PDS5B: variants seen among roughly 807,000 people sequenced by gnomAD.
The protein encoded by PDS5B is sister chromatid cohesion protein PDS5 homolog B.
PDS5B carries 51 observed loss-of-function variants against 184.1 expected under a neutral mutation model. That is an observed-to-expected ratio of 0.28 (90% CI 0.22 to 0.35). The LOEUF (loss-of-function observed/expected upper bound fraction) is 0.35, where lower values mean the gene tolerates loss of function less well. Among genes scored for constraint, PDS5B ranks in the 10% least tolerant of loss-of-function variants. PDS5B has a pLI of 1.00. For missense variants in PDS5B, 1,180 were observed against 1,723.3 expected (o/e 0.68, Z 5.58); for synonymous variants, 566 against 569.2 (o/e 0.99, Z 0.08).
chr13:32,587,414 C>G (rs911811723), intron 1 of PDS5B, among the ~76,000 whole-genome samples: 8 of 152,170 alleles, frequency 5.3e-5, no homozygotes, highest in African/African-American at 1.9e-4. Context: ...AAATGGTGTG[C>G]AATTGTGACT....
At position 32,773,190 on chromosome 13, in the gene PDS5B, C is replaced by T. The variant is rs773864974; in HGVS notation, c.4174C>T (p.Arg1392Cys). The change falls in exon 34 of 35, where the codon CGT becomes TGT. Residue 1392 changes from arginine to cysteine, a missense_variant and splice_region_variant. Arg to Cys is a radical substitution (Grantham distance 180, BLOSUM62 -3). This residue lies in a region of PDS5B where 465 missense variants were observed against 497.8 expected (regional missense o/e 0.93). Coordinates refer to ENST00000315596, the MANE Select transcript of PDS5B (RefSeq NM_015032.4). ...TGTTTTACATGTGTTTTACTCTAGC[C>T]GTGTAGGACGCTCCAAACAAGCAGC... The part of the protein sequence containing the change: ...PSPSQPKKNV[R>C]VGRSKQAATK... 62 of 1,600,006 alleles carry T rather than the reference C, an allele frequency of 3.9e-5. No homozygotes were observed. The highest frequency in any genetic ancestry group is 1.7e-4 in the Middle Eastern group (1 of 6,004).
At chr13:32,622,536 C>G (rs141015702) in intron 1 of PDS5B, among the ~76,000 whole-genome samples, 4 of 152,294 alleles carry the variant, frequency 2.6e-5, no homozygotes, top group East Asian at 1.9e-4. Flanking sequence ...AAATGACCAA[C>G]AAAACGTACT....
At chr13:32,764,674 G>T in intron 31 of PDS5B, 80 bp downstream of exon 31, 1 of 687,156 alleles carries the variant, frequency 1.5e-6, no homozygotes, top group South Asian at 2.6e-5. Flanking sequence ...CAGTTAACAT[G>T]ACTATCAAAT....
intron 25 of PDS5B, 45 bp downstream of exon 25, chr13:32,753,581 G>GT (rs1324171978): frequency 2.9e-6 from 4 of 1,364,150 alleles, no homozygotes; most frequent in Non-Finnish European, 4.1e-6. Flanking sequence ...CAGCCTGCTA[G>GT]TTTCAGTTTT....
chr13:32,680,175 T>G (rs1370382378), intron 10 of PDS5B, among the ~76,000 whole-genome samples: 1 of 152,170 alleles, frequency 6.6e-6, no homozygotes, highest in Non-Finnish European at 1.5e-5. Context: ...TGCTCATGAT[T>G]AAGAGTGGGG....
intron 7 of PDS5B, among the ~76,000 whole-genome samples, chr13:32,672,511 A>C (rs1251325981): frequency 6.6e-6 from 1 of 152,200 alleles, no homozygotes; most frequent in Non-Finnish European, 1.5e-5. Context: ...ACAGAGTCTG[A>C]GAAGTCCGAG....
At chr13:32,760,522 A>G in intron 29 of PDS5B, 53 bp from the exon 30 acceptor site, 2 of 1,557,210 alleles carry the variant, frequency 1.3e-6, no homozygotes, top group African/African-American at 1.4e-5. Flanking sequence ...CTTTACACGT[A>G]ACTTTCTTTT....
At chr13:32,589,561 A>G (rs2057742625) in intron 1 of PDS5B, among the ~76,000 whole-genome samples, 1 of 152,182 alleles carries the variant, frequency 6.6e-6, no homozygotes, top group East Asian at 1.9e-4. Context: ...GAAACTTCTA[A>G]GAGTAATTTG....
chr13:32,652,717 C>G (rs1331094670), intron 3 of PDS5B: 1 of 149,746 alleles, frequency 6.7e-6, no homozygotes, highest in Non-Finnish European at 1.5e-5. Context: ...CAAAATGGCA[C>G]CACTGCATTC....
intron 19 of PDS5B, among the ~76,000 whole-genome samples, chr13:32,719,060 G>A (rs7982183): frequency 5.9e-5 from 9 of 152,286 alleles, no homozygotes; most frequent in African/African-American, 2.2e-4. Flanking sequence ...TTTGGTTTAA[G>A]TATATAACAT....
chr13:32,607,005 T>C (rs7992980), intron 1 of PDS5B, among the ~76,000 whole-genome samples: 51,444 of 152,018 alleles, frequency 0.34, 8,944 homozygotes, highest in Non-Finnish European at 0.38. Flanking sequence ...GCGATGGGTT[T>C]GAACATCCGG....
At chr13:32,685,937 G>T (rs577432052) in intron 11 of PDS5B, among the ~76,000 whole-genome samples, 1 of 152,260 alleles carries the variant, frequency 6.6e-6, no homozygotes, top group Non-Finnish European at 1.5e-5. Flanking sequence ...ACCATGACTG[G>T]CCTGAAATCT....
At chr13:32,704,721 TA>T (rs1432057613) in intron 17 of PDS5B, among the ~76,000 whole-genome samples, 1 of 152,258 alleles carries the variant, frequency 6.6e-6, no homozygotes, top group East Asian at 1.9e-4. Context: ...CCTCCTTCCG[TA>T]AAATTTATTG....
rs570814274 is a variant in PDS5B at position 32,656,795 on chromosome 13, C to T, written c.313-1444C>T. Among the ~76,000 whole-genome samples, 28 of 152,136 alleles carry T rather than the reference C, an allele frequency of 1.8e-4. No homozygotes were observed. The South Asian group carries it at 5.6e-3, about 30-fold the overall frequency. Reference sequence around the variant, plus strand: ...TATTTTTAGTAGAGATGGGGTTTTGCCATGTTGGCCAGGCTGGTCTTGAAC... The same window carrying T: ...TATTTTTAGTAGAGATGGGGTTTTGTCATGTTGGCCAGGCTGGTCTTGAAC... On this transcript the variant is annotated intron_variant, in intron 3 of 34. Coordinates refer to ENST00000315596, the MANE Select transcript of PDS5B (RefSeq NM_015032.4).
In PDS5B at chr13:32,651,879, C is replaced by A; in HGVS notation, c.184C>A (p.His62Asn). ...EKELYLNLAL[H>N]LASDFFLKHP... ...GGAGCTTTATTTAAACCTAGCTTTA[C>A]ATCTTGCTTCAGATTTTTTTCTCAA... Residue 62 changes from histidine (H) to asparagine (N), a missense_variant, in exon 3 of 35, where the codon CAT becomes AAT. Physicochemically the swap from His to Asn is moderately conservative, Grantham distance 68. This residue lies in a region of PDS5B where 22 missense variants were observed against 79.3 expected (regional missense o/e 0.28). Coordinates refer to ENST00000315596, the MANE Select transcript of PDS5B (RefSeq NM_015032.4). 1 of 1,613,026 alleles carries A rather than the reference C, an allele frequency of 6.2e-7. No homozygotes were observed. Among genetic ancestry groups the A allele is most frequent in the Non-Finnish European group, 8.5e-7 (1 of 1,179,088 alleles).
chr13:32,674,903 G>A (rs557945219), intron 8 of PDS5B, among the ~76,000 whole-genome samples: 6 of 150,884 alleles, frequency 4.0e-5, no homozygotes, highest in African/African-American at 1.2e-4. Flanking sequence ...AGCTGATTCC[G>A]AGTTTTGGGG....
chr13:32,733,812 A>G (rs1176771539), intron 20 of PDS5B, among the ~76,000 whole-genome samples: 1 of 152,092 alleles, frequency 6.6e-6, no homozygotes, highest in African/African-American at 2.4e-5. Context: ...AGGCAGAGCC[A>G]TTGTTAGTAG....
chr13:32,653,900 CTT>C (rs1950432597), intron 3 of PDS5B, among the ~76,000 whole-genome samples: 1 of 152,150 alleles, frequency 6.6e-6, no homozygotes, highest in African/African-American at 2.4e-5. Context: ...ATTTATCTCT[CTT>C]GGGGATCTTT....
In PDS5B at chr13:32,622,040, G is replaced by T. The variant is rs184097595; in HGVS notation, c.-19-26714G>T. 8.7e-5 allele frequency among the ~76,000 whole-genome samples: 13 copies of T among 150,198 alleles called. No individual in the cohort carries two copies. In the South Asian group the frequency reaches 2.5e-3, roughly 29 times the overall value. ...CTCTTTTTTTCTATTCTTGATCAGCGTCACCAGAGACCTGCTAATTTTGGG... is the reference window on the plus strand; with the variant it reads ...CTCTTTTTTTCTATTCTTGATCAGCTTCACCAGAGACCTGCTAATTTTGGG... On this transcript the variant is annotated intron_variant, in intron 1 of 34. Transcript: ENST00000315596.
Sources: allele counts gnomAD v4.1 joint callset (sites outside exome capture counted in the v4.1 genomes callset), GRCh38; gene constraint gnomAD v4.1.1; regional missense constraint gnomAD v4.1.1; transcripts MANE v1.5; gene names NCBI Gene and HGNC (gene_info 2026-07-23, HGNC 2026-07-21).